XXYLT1: variants seen among roughly 807,000 people sequenced by gnomAD.
The protein encoded by XXYLT1 is UDP-xylose:alpha-xyloside alpha-1,3-xylosyltransferase.
A neutral mutation model predicts 28.9 loss-of-function variants in XXYLT1; 20 were observed. The observed-to-expected ratio is 0.69, with a 90% CI of 0.49 to 1.00. XXYLT1 has a LOEUF of 1.00. Among genes scored for constraint, XXYLT1 ranks in the 50% least tolerant of loss-of-function variants. XXYLT1 has a pLI of 0.00. For missense variants in XXYLT1, 542 were observed against 560.1 expected (o/e 0.97, Z 0.33); for synonymous variants, 257 against 253.8 (o/e 1.01, Z -0.12).
intron 1 of XXYLT1, among the ~76,000 whole-genome samples, chr3:195,258,381 A>G (rs193169616): frequency 9.8e-5 from 15 of 152,356 alleles, no homozygotes; most frequent in Middle Eastern, 3.4e-3. Context: ...AAATGACTAT[A>G]AACAGTTACT....
At chr3:195,128,930 T>C (rs1718768917) in intron 3 of XXYLT1, among the ~76,000 whole-genome samples, 1 of 152,208 alleles carries the variant, frequency 6.6e-6, no homozygotes, top group South Asian at 2.1e-4. Context: ...ACTGGAAGAT[T>C]AGTAGAACCG....
intron 3 of XXYLT1, among the ~76,000 whole-genome samples, chr3:195,120,795 C>G (rs114037454): frequency 0.03 from 4,633 of 152,286 alleles, 104 homozygotes; most frequent in Middle Eastern, 0.12. Context: ...GGCAAGCTCA[C>G]GGCACCTGAG....
At chr3:195,244,088 A>G (rs970366034) in intron 1 of XXYLT1, among the ~76,000 whole-genome samples, 3 of 152,138 alleles carry the variant, frequency 2.0e-5, no homozygotes, top group African/African-American at 7.2e-5. Context: ...AACCATCACT[A>G]GTTTCTAGGT....
intron 2 of XXYLT1, among the ~76,000 whole-genome samples, chr3:195,192,796 T>C (rs1210693215): frequency 6.6e-6 from 1 of 152,148 alleles, no homozygotes; most frequent in Non-Finnish European, 1.5e-5. Context: ...ATGAATTAAC[T>C]AAGCAATTGA....
chr3:195,234,567 C>T (rs1488973243), intron 1 of XXYLT1, among the ~76,000 whole-genome samples: 3 of 151,994 alleles, frequency 2.0e-5, no homozygotes, highest in Non-Finnish European at 2.9e-5. Flanking sequence ...GATCCACCTG[C>T]CTCAGCCTCC....
Position 195,070,056 on chromosome 3 carries a change from G to A in XXYLT1, c.841C>T (p.Pro281Ser), listed in dbSNP as rs982906626. 4 of 1,596,678 alleles carry A rather than the reference G, an allele frequency of 2.5e-6. No individual in the cohort carries two copies. The African/African-American group carries it at 4.0e-5, about 16-fold the overall frequency. ...ENPQTRVGGP[P>S]PEGLPGFNSG... is the part of the protein sequence containing the mutation. The stretch of plus-strand genomic sequence containing the variant: ...TTGAAGCCCGGCAGCCCCTCGGGGG[G>A]CGGGCCCCCAACCCGGGTCTGGGGG... The change falls in exon 4 of 4, where the codon CCC becomes TCC. Residue 281 changes from proline to serine, a missense_variant. By Grantham distance (74) the Pro-to-Ser change is moderately conservative. Coordinates refer to ENST00000310380, the MANE Select transcript of XXYLT1 (RefSeq NM_152531.5).
Position 195,268,973 on chromosome 3 carries a change from C to T in XXYLT1, c.504+1582G>A, listed in dbSNP as rs539144338. Among the ~76,000 whole-genome samples the T allele has an allele frequency of 9.2e-5, 14 of 152,290 alleles. No homozygotes were observed. In the East Asian group the frequency reaches 2.1e-3, roughly 23 times the overall value. ...GGGAAGTAGAAAAGGAAAGAAGGGACGCTTCCTTGGCTCCAAGGAGGGGAT... is the reference window on the plus strand; with the variant it reads ...GGGAAGTAGAAAAGGAAAGAAGGGATGCTTCCTTGGCTCCAAGGAGGGGAT... On this transcript the variant is annotated intron_variant, in intron 1 of 3. Coordinates refer to ENST00000310380, the MANE Select transcript of XXYLT1 (RefSeq NM_152531.5).
At chr3:195,165,040 G>A (rs552824822) in intron 2 of XXYLT1, among the ~76,000 whole-genome samples, 7 of 152,006 alleles carry the variant, frequency 4.6e-5, no homozygotes, top group Admixed American at 1.3e-4. Context: ...GGACTTCCCC[G>A]CCTTCCTGTG....
Position 195,078,887 on chromosome 3 carries a change from A to G in XXYLT1, c.786-8776T>C, listed in dbSNP as rs1295592784. Among the ~76,000 whole-genome samples, 1 of 151,510 alleles carries G rather than the reference A, an allele frequency of 6.6e-6. No homozygotes were observed. The highest frequency in any genetic ancestry group is 1.5e-5 in the Non-Finnish European group (1 of 67,882). On this transcript the variant is annotated intron_variant, in intron 3 of 3. Coordinates refer to ENST00000310380, the MANE Select transcript of XXYLT1 (RefSeq NM_152531.5). This position sits in a 1 kb window ranked among gnomAD's most constrained non-coding sequence, Gnocchi z 5.0. ...CCAAATGCTGATGGCCCTTCCCTTC[A>G]CCTTGACCACAGTGTCCTCAAACCA...
intron 2 of XXYLT1, among the ~76,000 whole-genome samples, chr3:195,224,222 T>C (rs1372865686): frequency 2.6e-5 from 4 of 152,312 alleles, no homozygotes; most frequent in African/African-American, 9.6e-5. Flanking sequence ...GAAAAGACTG[T>C]GTGTTTGGGT....
At chr3:195,147,738 T>A (rs1241558706) in intron 3 of XXYLT1, 3 of 152,238 alleles carry the variant, frequency 2.0e-5, no homozygotes, top group Non-Finnish European at 4.4e-5. Context: ...TGTTCCTGCA[T>A]TCACTCAACA....
chr3:195,224,699 A>AG (rs764246444), intron 2 of XXYLT1, among the ~76,000 whole-genome samples: 4 of 152,100 alleles, frequency 2.6e-5, no homozygotes, highest in Non-Finnish European at 5.9e-5. Context: ...AGGGAGGTGA[A>AG]GGGAGGGCAG....
At chr3:195,175,504 T>TGA (rs201558663) in intron 2 of XXYLT1, 129,873 of 1,444,134 alleles carry the variant, frequency 0.09, 7,267 homozygotes, top group East Asian at 0.25. Context: ...CTGTGTTGCA[T>TGA]GTTGACTTTG....
At chr3:195,102,482 C>T (rs997196511) in intron 3 of XXYLT1, among the ~76,000 whole-genome samples, 4 of 152,064 alleles carry the variant, frequency 2.6e-5, no homozygotes, top group Non-Finnish European at 5.9e-5. Flanking sequence ...TCTTCTCTAC[C>T]GCTGTGTATT....
chr3:195,079,154 T>C (rs1468990939), intron 3 of XXYLT1, among the ~76,000 whole-genome samples: 1 of 151,908 alleles, frequency 6.6e-6, no homozygotes, highest in Non-Finnish European at 1.5e-5. Flanking sequence ...AATACAGCAG[T>C]GTGGAAAGCT....
chr3:195,252,715 C>CAGAGAGAGAGAGAG (rs1345883267), intron 1 of XXYLT1, among the ~76,000 whole-genome samples: 14 of 141,786 alleles, frequency 9.9e-5, no homozygotes, highest in African/African-American at 3.6e-4. Context: ...CACACACACA[C>CAGAGAGAGAGAGAG]ACACACACAC....
chr3:195,161,795 T>G (rs931181828), intron 2 of XXYLT1, among the ~76,000 whole-genome samples: 1 of 152,014 alleles, frequency 6.6e-6, no homozygotes, highest in Admixed American at 6.5e-5. Flanking sequence ...TTTTTATATT[T>G]TTAGTAGAGA....
Position 195,270,813 on chromosome 3 carries a change from G to A in XXYLT1, c.246C>T (p.Pro82=), listed in dbSNP as rs773414100. ...CCTCCAAGCTCTTGGCCTTCGCGCC[G>A]GGGGCTGGCGCCACGGAGCCCCGCG... ...ELARGSVAPA[P]GAKAKSLEGG... The change falls in exon 1 of 4, where the codon CCC becomes CCT. Residue 82 remains proline (P), a synonymous_variant. Coordinates refer to ENST00000310380, the MANE Select transcript of XXYLT1 (RefSeq NM_152531.5). 1 of 1,495,378 alleles carries A rather than the reference G, an allele frequency of 6.7e-7. No homozygotes were observed. The allele number at this position is 1,495,378 out of a possible 1,614,324, so 92.6% of individuals were successfully genotyped here.
At chr3:195,250,013 A>C (rs926264945) in intron 1 of XXYLT1, among the ~76,000 whole-genome samples, 3 of 152,156 alleles carry the variant, frequency 2.0e-5, no homozygotes, top group Admixed American at 1.3e-4. Flanking sequence ...CGGAGGCCAG[A>C]GCCCTCCTCC....
Sources: allele counts gnomAD v4.1 joint callset (sites outside exome capture counted in the v4.1 genomes callset), GRCh38; gene constraint gnomAD v4.1.1; non-coding constraint Gnocchi (gnomAD v3.1); transcripts MANE v1.5; gene names NCBI Gene and HGNC (gene_info 2026-07-23, HGNC 2026-07-21).